The following ARMH3 variants were observed in gnomAD, a reference collection of about 807,000 sequenced individuals.
ARMH3 encodes the protein armadillo like helical domain containing 3.
Under a neutral mutation model 99.1 loss-of-function variants are expected in ARMH3, and 60 were observed. The observed-to-expected ratio is 0.61, with a 90% confidence interval of 0.49 to 0.75. The LOEUF (loss-of-function observed/expected upper bound fraction) is 0.75. Ranked by LOEUF, ARMH3 falls within the 30% of genes least tolerant of loss-of-function variation. The pLI, the probability that ARMH3 is intolerant of heterozygous loss-of-function variation, is 0.00. For missense variants in ARMH3, 679 were observed against 843.1 expected (o/e 0.81, Z 2.41); for synonymous variants, 285 against 292.8 (o/e 0.97, Z 0.27).
chr10:102,013,735 C>T (rs2066681076), intron 9 of ARMH3, among the ~76,000 whole-genome samples: 1 of 152,200 alleles, frequency 6.6e-6, no homozygotes, highest in South Asian at 2.1e-4. Context: ...AACATAACCA[C>T]TTCATCATGA....
intron 18 of ARMH3, 75 bp downstream of exon 18, chr10:101,991,894 G>T: frequency 7.5e-7 from 1 of 1,324,880 alleles, no homozygotes; most frequent in Non-Finnish European, 1.1e-6. Flanking sequence ...CATCAAACAG[G>T]TTCTACTCTT....
intron 19 of ARMH3, among the ~76,000 whole-genome samples, chr10:101,981,255 GA>G (rs1846220189): frequency 6.6e-6 from 1 of 152,050 alleles, no homozygotes; most frequent in South Asian, 2.1e-4. Flanking sequence ...GAGGAGAAAA[GA>G]AGAAAGCAGA....
intron 2 of ARMH3, among the ~76,000 whole-genome samples, chr10:102,038,644 G>A (rs545094679): frequency 9.2e-5 from 14 of 152,190 alleles, no homozygotes; most frequent in African/African-American, 3.4e-4. Context: ...TACTACCAGT[G>A]CCCTCACAGA....
At position 102,029,726 on chromosome 10, in the gene ARMH3, C is replaced by T. The variant is rs1318007963; in HGVS notation, c.326G>A (p.Arg109Gln). The change falls in exon 5 of 26, where the codon CGA becomes CAA. Residue 109 changes from arginine (R) to glutamine (Q), a missense_variant. By Grantham distance (43) the Arg-to-Gln change is conservative. This residue lies in a region of ARMH3 where 280 missense variants were observed against 354.6 expected (regional missense o/e 0.79). Coordinates refer to ENST00000370033, the MANE Select transcript of ARMH3 (RefSeq NM_024541.3). The part of the protein sequence containing the change: ...NALQTLCALI[R>Q]GVHQKNKSTS... ...AGACTTATTCTTTTGATGGACTCCTCGAATGAGTGCGCACAGGGTCTGCAG... is the reference window on the plus strand; with the variant it reads ...AGACTTATTCTTTTGATGGACTCCTTGAATGAGTGCGCACAGGGTCTGCAG... The T allele has an allele frequency of 6.2e-7, 1 of 1,613,896 alleles. No homozygotes were observed. Among genetic ancestry groups the T allele is most frequent in the Non-Finnish European group, 8.5e-7 (1 of 1,179,914 alleles).
At chr10:101,892,474 A>G (rs1047967009) in intron 23 of ARMH3, among the ~76,000 whole-genome samples, 1 of 152,084 alleles carries the variant, frequency 6.6e-6, no homozygotes, top group Non-Finnish European at 1.5e-5. Flanking sequence ...TAAAAAATAA[A>G]ATGTGTGCAC....
chr10:101,931,462 T>C (rs1295863284), intron 23 of ARMH3, among the ~76,000 whole-genome samples: 7 of 150,954 alleles, frequency 4.6e-5, no homozygotes, highest in African/African-American at 1.5e-4. Context: ...GAGGTGGAGG[T>C]TGCAGTGAGC....
intron 24 of ARMH3, among the ~76,000 whole-genome samples, chr10:101,858,199 G>A (rs990442351): frequency 1.4e-4 from 22 of 152,312 alleles, no homozygotes; most frequent in African/African-American, 5.3e-4. Flanking sequence ...GTCACTGTTG[G>A]GTCTAGTTGT....
intron 2 of ARMH3, among the ~76,000 whole-genome samples, chr10:102,038,125 C>T (rs1234019851): frequency 1.5e-5 from 2 of 131,276 alleles, no homozygotes; most frequent in Admixed American, 8.6e-5. Context: ...GATGGAGTCT[C>T]GCTCTGTCGC....
intron 20 of ARMH3, among the ~76,000 whole-genome samples, chr10:101,963,122 A>G (rs368260560): frequency 2.3e-4 from 34 of 147,230 alleles, no homozygotes; most frequent in African/African-American, 8.2e-4. Context: ...GGAACCCATC[A>G]CCATGCCCGG....
At chr10:101,917,859 T>A (rs1036281751) in intron 23 of ARMH3, among the ~76,000 whole-genome samples, 4 of 152,176 alleles carry the variant, frequency 2.6e-5, no homozygotes, top group African/African-American at 4.8e-5. Context: ...AATATGCCTG[T>A]TCCTCATCAG....
intron 24 of ARMH3, among the ~76,000 whole-genome samples, chr10:101,854,030 T>C (rs917978920): frequency 2.0e-5 from 3 of 152,100 alleles, no homozygotes; most frequent in East Asian, 3.9e-4. Context: ...GGAGAATCAC[T>C]TGAACCCAGG....
At chr10:101,849,979 T>A in intron 24 of ARMH3, 87 bp from the exon 25 acceptor site, 1 of 1,215,528 alleles carries the variant, frequency 8.2e-7, no homozygotes, top group South Asian at 1.3e-5. Flanking sequence ...TGGGTTGGGT[T>A]TGGTCTGTGA....
At chr10:101,989,790 C>G (rs778173568) in intron 19 of ARMH3, among the ~76,000 whole-genome samples, 3 of 152,188 alleles carry the variant, frequency 2.0e-5, no homozygotes, top group Admixed American at 6.5e-5. Context: ...GCAGGACTCT[C>G]CCGGCGAGGC....
chr10:102,034,608 C>A (rs751863703), intron 2 of ARMH3, among the ~76,000 whole-genome samples: 51 of 151,382 alleles, frequency 3.4e-4, no homozygotes, highest in Non-Finnish European at 5.3e-4. Context: ...TGCACTCCAG[C>A]CTGGGCCACA....
intron 23 of ARMH3, among the ~76,000 whole-genome samples, chr10:101,911,977 G>A (rs1413478435): frequency 6.6e-6 from 1 of 152,114 alleles, no homozygotes; most frequent in African/African-American, 2.4e-5. Flanking sequence ...AGGTTGCAGT[G>A]AGCTGAGATC....
At chr10:101,898,364 T>C (rs1454550272) in intron 23 of ARMH3, among the ~76,000 whole-genome samples, 1 of 134,892 alleles carries the variant, frequency 7.4e-6, no homozygotes, top group Non-Finnish European at 1.6e-5. Flanking sequence ...TCTTAAGAAA[T>C]AAAAAAAAAA....
At chr10:101,891,510 G>C (rs1589974323) in intron 23 of ARMH3, among the ~76,000 whole-genome samples, 1 of 152,204 alleles carries the variant, frequency 6.6e-6, no homozygotes, top group East Asian at 1.9e-4. Flanking sequence ...ACTTTCTTAA[G>C]ACTCTAAAAG....
At chr10:102,020,928 C>A (rs2136154126) in intron 8 of ARMH3, among the ~76,000 whole-genome samples, 1 of 151,980 alleles carries the variant, frequency 6.6e-6, no homozygotes, top group South Asian at 2.1e-4. Flanking sequence ...CACTCAGACT[C>A]ACCCAGAGCA....
At chr10:102,028,673 A>G (rs2067055260) in intron 5 of ARMH3, among the ~76,000 whole-genome samples, 1 of 152,184 alleles carries the variant, frequency 6.6e-6, no homozygotes, top group African/African-American at 2.4e-5. Flanking sequence ...CATTTATATG[A>G]GGTGTCCAGA....
Sources: allele counts gnomAD v4.1 joint callset (sites outside exome capture counted in the v4.1 genomes callset), GRCh38; gene constraint gnomAD v4.1.1; regional missense constraint gnomAD v4.1.1; transcripts MANE v1.5; gene names NCBI Gene and HGNC (gene_info 2026-07-23, HGNC 2026-07-21).